The following ZNF180 variants were observed in gnomAD, a reference collection of about 807,000 sequenced individuals.
ZNF180 encodes the protein zinc finger protein 180 (HHZ168).
A neutral mutation model predicts 11.8 loss-of-function variants in ZNF180; 11 were observed. The observed-to-expected ratio is 0.93, with a 90% CI of 0.59 to 1.55. The LOEUF (loss-of-function observed/expected upper bound fraction) is 1.55. Ranked by LOEUF, ZNF180 falls within the 40% of genes most tolerant of loss-of-function variation. ZNF180 has a pLI of 0.00. For missense variants in ZNF180, 773 were observed against 781.7 expected (o/e 0.99, Z 0.13); for synonymous variants, 287 against 257.7 (o/e 1.11, Z -1.09).
intron 2 of ZNF180, among the ~76,000 whole-genome samples, chr19:44,493,196 G>A (rs566402644): frequency 1.3e-5 from 2 of 152,284 alleles, no homozygotes; most frequent in East Asian, 3.9e-4. Context: ...GCACAACTTC[G>A]AATGTTGAGA....
chr19:44,485,469 T>C (rs763478839), intron 2 of ZNF180, among the ~76,000 whole-genome samples: 2 of 152,206 alleles, frequency 1.3e-5, no homozygotes, highest in Non-Finnish European at 2.9e-5. Flanking sequence ...ATACTTTCTT[T>C]CTCTGGCTCC....
intron 2 of ZNF180, among the ~76,000 whole-genome samples, chr19:44,493,752 T>TCTCTTG (rs1210092223): frequency 0.011 from 1,686 of 151,510 alleles, 35 homozygotes; most frequent in African/African-American, 0.038. Flanking sequence ...GCTCTTGCTC[T>TCTCTTG]CTCTCTCTCT....
chr19:44,497,780 A>G (rs1048459690), intron 1 of ZNF180, among the ~76,000 whole-genome samples: 3 of 151,696 alleles, frequency 2.0e-5, no homozygotes, highest in African/African-American at 7.3e-5. Context: ...ACCCCTACCA[A>G]CCTCAATCTA....
intron 2 of ZNF180, among the ~76,000 whole-genome samples, chr19:44,493,510 T>C (rs1260015763): frequency 1.3e-5 from 2 of 152,228 alleles, no homozygotes; most frequent in African/African-American, 4.8e-5. Flanking sequence ...CTTCTGATAA[T>C]AATTAAAATT....
chr19:44,480,728 T>A (rs936839844), intron 3 of ZNF180, among the ~76,000 whole-genome samples: 1 of 152,336 alleles, frequency 6.6e-6, no homozygotes, highest in East Asian at 1.9e-4. Flanking sequence ...ATGCAATTTT[T>A]AAAAAAATTT....
chr19:44,484,220 G>C, intron 3 of ZNF180, 141 bp downstream of exon 3: 1 of 664,446 alleles, frequency 1.5e-6, no homozygotes, highest in Non-Finnish European at 2.7e-6. Context: ...GGATGGTCTC[G>C]ATCTCCTGAC....
Position 44,489,123 on chromosome 19 carries a change from C to T in ZNF180, c.52-4688G>A, listed in dbSNP as rs1430199117. Among the ~76,000 whole-genome samples, 364 of 140,020 alleles carry T rather than the reference C, an allele frequency of 2.6e-3. 4 individuals are homozygous for T. The highest frequency in any genetic ancestry group is 8.0e-3 in the African/African-American group (305 of 38,012). 91.9% of individuals were successfully genotyped at this position (140,020 alleles called of 152,430 possible). On this transcript the variant is annotated intron_variant, in intron 2 of 4. Coordinates refer to ENST00000592529, the MANE Select transcript of ZNF180 (RefSeq NM_001278509.3). ...GAGGTGGGGGGGCCAGCCTCCCGCC[C>T]GGCCAGCCGCCCCGTCCGGGAGGGA...
intron 1 of ZNF180, among the ~76,000 whole-genome samples, chr19:44,499,092 A>G (rs1600101493): frequency 6.6e-6 from 1 of 152,060 alleles, no homozygotes; most frequent in East Asian, 1.9e-4. Flanking sequence ...CTGCCCCACT[A>G]TTTGCCCGCA....
rs370092916 is a variant in ZNF180 at position 44,477,551 on chromosome 19, C to A, written c.849G>T (p.Leu283Phe). 6.2e-7 allele frequency: 1 copy of A among 1,614,082 alleles called. No individual in the cohort carries two copies. Among genetic ancestry groups the A allele is most frequent in the Non-Finnish European group, 8.5e-7 (1 of 1,180,002 alleles). ...TFDFKECGQV[L>F]NPKISHNEQQ... ...GTTCATTATGGGATATTTTGGGGTT[C>A]AAAACCTGCCCACATTCTTTAAAAT... The change falls in exon 5 of 5, where the codon TTG becomes TTT. Residue 283 changes from leucine (L) to phenylalanine (F), a missense_variant. By Grantham distance (22) the Leu-to-Phe change is conservative. Transcript: ENST00000592529.
intron 4 of ZNF180, 73 bp from the exon 5 acceptor site, chr19:44,478,219 A>G (rs1459450809): frequency 5.0e-6 from 7 of 1,397,624 alleles, no homozygotes; most frequent in Non-Finnish European, 5.7e-6. Flanking sequence ...AGCTAACAAG[A>G]AAGTATGAAA....
chr19:44,478,792 T>C lies in ZNF180; in HGVS notation c.253+491A>G, dbSNP rs116270556. On this transcript the variant is annotated intron_variant, in intron 4 of 4. Transcript: ENST00000592529. The stretch of plus-strand genomic sequence containing the variant: ...AGAGTATATATGGAAAAAGTAGTCA[T>C]GTATACAGTCCACCAGGAGGTGGGA... Among the ~76,000 whole-genome samples the C allele has an allele frequency of 9.5e-3, 1,446 of 152,306 alleles. 18 individuals are homozygous for C. The highest frequency in any genetic ancestry group is 0.032 in the African/African-American group (1,327 of 41,558).
At chr19:44,484,847 A>T (rs1970182154) in intron 2 of ZNF180, 2 of 175,902 alleles carry the variant, frequency 1.1e-5, no homozygotes, top group Admixed American at 1.2e-4. Flanking sequence ...AAAGAAAAAG[A>T]TCAACAAATT....
rs1370184785 is a variant in ZNF180, at chr19:44,477,054, T to C, written c.1346A>G (p.Gln449Arg). The C allele has an allele frequency of 3.1e-6, 5 of 1,614,086 alleles. No homozygotes were observed. The highest frequency in any genetic ancestry group is 4.2e-6 in the Non-Finnish European group (5 of 1,180,032). Residue 449 changes from glutamine (Q) to arginine (R), a missense_variant, in exon 5 of 5, where the codon CAG becomes CGG. Gln to Arg is a conservative substitution (Grantham distance 43, BLOSUM62 1). Coordinates refer to ENST00000592529, the MANE Select transcript of ZNF180 (RefSeq NM_001278509.3). ...TTGATGTGCAATAAGTTTATAGCTC[T>C]GGATAAATGATTTCCCACATTGATT... Reference protein sequence around the residue: ...ECNQCGKSFIQSYKLIAHQRI... With the variant: ...ECNQCGKSFIRSYKLIAHQRI...
intron 2 of ZNF180, among the ~76,000 whole-genome samples, chr19:44,490,891 ACT>A (rs1264358260): frequency 3.9e-5 from 6 of 152,322 alleles, no homozygotes; most frequent in Non-Finnish European, 7.4e-5. Context: ...CTCAAGGTAG[ACT>A]CTGGATGAAA....
Position 44,477,818 on chromosome 19 carries a change from T to A in ZNF180, c.582A>T (p.Val194=). The A allele has an allele frequency of 6.2e-7, 1 of 1,614,012 alleles. No homozygotes were observed. Among genetic ancestry groups the A allele is most frequent in the South Asian group, 1.1e-5 (1 of 91,086 alleles). The change falls in exon 5 of 5, where the codon GTA becomes GTT. Residue 194 remains valine (V), a synonymous_variant. Coordinates refer to ENST00000592529, the MANE Select transcript of ZNF180 (RefSeq NM_001278509.3). Reference sequence around the variant, plus strand: ...TAAGATGCCATTTTTTAGCATGTGATACATGTTTATGAAAATGGTTTCTTA... The same window carrying A: ...TAAGATGCCATTTTTTAGCATGTGAAACATGTTTATGAAAATGGTTTCTTA... The part of the protein sequence containing the change: ...IPIRNHFHKH[V]SHAKKWHLNA...
Position 44,477,609 on chromosome 19 carries a change from T to G in ZNF180, c.791A>C (p.His264Pro). 6.2e-7 allele frequency: 1 copy of G among 1,614,082 alleles called. No homozygotes were observed. Residue 264 changes from histidine (H) to proline (P), a missense_variant, in exon 5 of 5, where the codon CAT (histidine) becomes CCT (proline). Physicochemically the swap from His to Pro is moderately conservative, Grantham distance 77. Coordinates refer to ENST00000592529, the MANE Select transcript of ZNF180 (RefSeq NM_001278509.3). ...SFCHGTPLHI[H>P]EKIHGGGKTF... Reference sequence around the variant, plus strand: ...TTTTCCTCCTCCATGAATTTTTTCATGTATATGTAGGGGTGTACCATGGCA... The same window carrying G: ...TTTTCCTCCTCCATGAATTTTTTCAGGTATATGTAGGGGTGTACCATGGCA...
At chr19:44,492,201 G>A (rs1280095280) in intron 2 of ZNF180, among the ~76,000 whole-genome samples, 1 of 152,030 alleles carries the variant, frequency 6.6e-6, no homozygotes, top group East Asian at 1.9e-4. Flanking sequence ...CTGGGTCCTG[G>A]GTTCTATATT....
Position 44,477,938 on chromosome 19 carries a change from C to G in ZNF180, c.462G>C (p.Arg154Ser). 5 of 1,613,936 alleles carry G rather than the reference C, an allele frequency of 3.1e-6. No individual in the cohort carries two copies. The highest frequency in any genetic ancestry group is 4.2e-6 in the Non-Finnish European group (5 of 1,179,944). ...ILLQEVAFTQ[R>S]KAVIHERVCK... ...AGACTCTCTCATGAATAACTGCTTT[C>G]CTTTGAGTGAATGCCACTTCCTGCA... Residue 154 changes from arginine to serine, a missense_variant, in exon 5 of 5, where the codon AGG (arginine) becomes AGC (serine). Coordinates refer to ENST00000592529, the MANE Select transcript of ZNF180 (RefSeq NM_001278509.3).
In ZNF180 at chr19:44,477,616, G is replaced by T; in HGVS notation, c.784C>A (p.His262Asn). Residue 262 changes from histidine to asparagine, a missense_variant, in exon 5 of 5, where the codon CAT becomes AAT. His to Asn is a moderately conservative substitution (Grantham distance 68). Coordinates refer to ENST00000592529, the MANE Select transcript of ZNF180 (RefSeq NM_001278509.3). ...CCTCCATGAATTTTTTCATGTATAT[G>T]TAGGGGTGTACCATGGCAAAAAGAT... ...IQSFCHGTPL[H>N]IHEKIHGGGK... 6.2e-7 allele frequency: 1 copy of T among 1,614,060 alleles called. No homozygotes were observed. The highest frequency in any genetic ancestry group is 2.2e-5 in the East Asian group (1 of 44,862).
Sources: gnomAD v4.1 joint callset for allele counts (sites outside exome capture counted in the v4.1 genomes callset) on GRCh38, gnomAD v4.1.1 for gene constraint, MANE v1.5 for transcripts, NCBI Gene and HGNC (gene_info 2026-07-23, HGNC 2026-07-21) for gene names.